The following CEP128 variants were observed in gnomAD, a reference collection of about 807,000 sequenced individuals.
CEP128 encodes centrosomal protein 128.
Under a neutral mutation model 156.7 loss-of-function variants are expected in CEP128, and 132 were observed. That is an observed-to-expected ratio of 0.84 (90% CI 0.73 to 0.97). The LOEUF (loss-of-function observed/expected upper bound fraction) is 0.97, where lower values mean the gene tolerates loss of function less well. CEP128 is among the 50% of genes least tolerant of loss of function. The probability of loss-of-function intolerance (pLI) is 0.00; values close to 1 mark genes in which losing one functional copy is unlikely to be tolerated. For synonymous variants in CEP128, 469 were observed against 448.9 expected (o/e 1.04, Z -0.57); for missense variants, 1,252 against 1,281.9 (o/e 0.98, Z 0.36).
At chr14:80,517,915 A>C (rs1329360772) in intron 23 of CEP128, among the ~76,000 whole-genome samples, 1 of 152,044 alleles carries the variant, frequency 6.6e-6, no homozygotes, top group Admixed American at 6.5e-5. Context: ...CTGGATCAGG[A>C]GGAGCACAGT....
chr14:80,878,780 C>T (rs1888398275), intron 8 of CEP128, among the ~76,000 whole-genome samples: 1 of 152,168 alleles, frequency 6.6e-6, no homozygotes, highest in Non-Finnish European at 1.5e-5. Context: ...CCACTCATGC[C>T]TTGGAGAGTG....
At chr14:80,545,595 G>A (rs1183152887) in intron 21 of CEP128, among the ~76,000 whole-genome samples, 3 of 152,110 alleles carry the variant, frequency 2.0e-5, no homozygotes, top group African/African-American at 7.2e-5. Context: ...TTAACAAAAG[G>A]CTAAAATGAA....
At chr14:80,532,364 T>C (rs1156248988) in intron 21 of CEP128, among the ~76,000 whole-genome samples, 1 of 152,022 alleles carries the variant, frequency 6.6e-6, no homozygotes, top group Non-Finnish European at 1.5e-5. Flanking sequence ...AGCTATATAA[T>C]TTTTTCTCGG....
chr14:80,695,273 T>C (rs1490042264), intron 19 of CEP128, among the ~76,000 whole-genome samples: 2 of 152,198 alleles, frequency 1.3e-5, no homozygotes, highest in Admixed American at 1.3e-4. Context: ...CTCAGAAATT[T>C]CTCCATTTGT....
At chr14:80,848,994 A>C (rs975357920) in intron 9 of CEP128, among the ~76,000 whole-genome samples, 1 of 152,118 alleles carries the variant, frequency 6.6e-6, no homozygotes, top group African/African-American at 2.4e-5. Flanking sequence ...AAAAGACCAC[A>C]AGGAGGTAAG....
At chr14:80,641,700 T>C (rs1894415460) in intron 19 of CEP128, among the ~76,000 whole-genome samples, 1 of 152,200 alleles carries the variant, frequency 6.6e-6, no homozygotes, top group Non-Finnish European at 1.5e-5. Flanking sequence ...GATTTTTTTC[T>C]CCTTACTCAA....
intron 22 of CEP128, among the ~76,000 whole-genome samples, chr14:80,528,567 C>T (rs1315565835): frequency 1.3e-5 from 2 of 152,156 alleles, no homozygotes; most frequent in African/African-American, 2.4e-5. Flanking sequence ...AGATTACAGG[C>T]GTGAGCCACT....
intron 19 of CEP128, among the ~76,000 whole-genome samples, chr14:80,589,052 A>G (rs1295812123): frequency 1.3e-5 from 2 of 152,162 alleles, no homozygotes; most frequent in Non-Finnish European, 1.5e-5. Flanking sequence ...ATGTGGGTCC[A>G]ATGTAATCAG....
chr14:80,893,263 T>C (rs1019458488), intron 8 of CEP128, among the ~76,000 whole-genome samples: 5 of 151,782 alleles, frequency 3.3e-5, no homozygotes, highest in Non-Finnish European at 7.4e-5. Flanking sequence ...TAATTAAATA[T>C]GGAATCTACA....
chr14:80,753,477 G>A (rs1465838872), intron 18 of CEP128, among the ~76,000 whole-genome samples: 2 of 152,218 alleles, frequency 1.3e-5, no homozygotes, highest in African/African-American at 4.8e-5. Flanking sequence ...GCTAATATTA[G>A]CTTTTCTTTA....
At chr14:80,634,556 GGC>G in intron 19 of CEP128, among the ~76,000 whole-genome samples, 1 of 152,154 alleles carries the variant, frequency 6.6e-6, no homozygotes, top group Non-Finnish European at 1.5e-5. Flanking sequence ...ACGCTTAGTA[GGC>G]ATTTTTTCCA....
At chr14:80,769,429 T>G (rs1900403226) in intron 16 of CEP128, among the ~76,000 whole-genome samples, 1 of 150,742 alleles carries the variant, frequency 6.6e-6, no homozygotes, top group Non-Finnish European at 1.5e-5. Flanking sequence ...CCCTCCCCAC[T>G]CCCCCCGCCC....
At chr14:80,797,455 T>A (rs561982925) in intron 13 of CEP128, among the ~76,000 whole-genome samples, 1 of 152,328 alleles carries the variant, frequency 6.6e-6, no homozygotes, top group East Asian at 1.9e-4. Flanking sequence ...GATGAACACC[T>A]CTTCTAACTG....
chr14:80,638,849 A>C (rs115347571), intron 19 of CEP128, among the ~76,000 whole-genome samples: 1 of 152,146 alleles, frequency 6.6e-6, no homozygotes, highest in African/African-American at 2.4e-5. Context: ...TTTGATCAAG[A>C]CTCAGAATTT....
At chr14:80,557,521 T>C (rs890657892) in intron 21 of CEP128, among the ~76,000 whole-genome samples, 1 of 152,208 alleles carries the variant, frequency 6.6e-6, no homozygotes, top group African/African-American at 2.4e-5. Flanking sequence ...TAAAAAAGCA[T>C]TTAATTCACA....
chr14:80,693,666 T>C (rs1248758140), intron 19 of CEP128, among the ~76,000 whole-genome samples: 3 of 152,104 alleles, frequency 2.0e-5, no homozygotes, highest in African/African-American at 7.2e-5. Flanking sequence ...TATCTAAAAA[T>C]AAAAAAGTAT....
chr14:80,619,405 C>CACAA (rs1893374474), intron 19 of CEP128, among the ~76,000 whole-genome samples: 1 of 150,110 alleles, frequency 6.7e-6, no homozygotes, highest in South Asian at 2.1e-4. Flanking sequence ...CACACACACA[C>CACAA]AAATAGAAAA....
chr14:80,901,928 A>G (rs1356301152), intron 6 of CEP128, among the ~76,000 whole-genome samples: 1 of 152,198 alleles, frequency 6.6e-6, no homozygotes, highest in Admixed American at 6.5e-5. Context: ...ACACGGCTCT[A>G]CATAATCTCA....
intron 21 of CEP128, among the ~76,000 whole-genome samples, chr14:80,541,717 T>C (rs942615773): frequency 2.0e-5 from 3 of 152,228 alleles, no homozygotes; most frequent in Non-Finnish European, 4.4e-5. Context: ...GCTTCTGTCC[T>C]GAAAGCTTCT....
Sources: gnomAD v4.1 joint callset for allele counts (sites outside exome capture counted in the v4.1 genomes callset) on GRCh38, gnomAD v4.1.1 for gene constraint, MANE v1.5 for transcripts, NCBI Gene and HGNC (gene_info 2026-07-23, HGNC 2026-07-21) for gene names.